The following TUB variants were observed in gnomAD, a reference collection of about 807,000 sequenced individuals.
The protein encoded by TUB is tubby protein homolog.
In TUB, 33 loss-of-function variants were observed where a neutral mutation model predicts 59.7. That is an observed-to-expected ratio of 0.55 (90% CI 0.42 to 0.74). TUB has a LOEUF of 0.74. Ranked by LOEUF, TUB falls within the 30% of genes least tolerant of loss-of-function variation. The pLI is 0.00. For synonymous variants in TUB, 293 were observed against 256.4 expected, an observed-to-expected ratio of 1.14 and a Z score of -1.36; for missense variants, 659 against 672.0, an observed-to-expected ratio of 0.98 and a Z score of 0.21.
intron 1 of TUB, among the ~76,000 whole-genome samples, chr11:8,021,232 G>C (rs957528091): frequency 6.6e-6 from 1 of 152,174 alleles, no homozygotes; most frequent in African/African-American, 2.4e-5. Flanking sequence ...GGAAGCTGAG[G>C]TGGGCAGATC....
Position 8,104,534 on chromosome 11 carries a change from A to G in TUB, c.*2915A>G, listed in dbSNP as rs1237654325. 1 of 152,218 alleles carries G rather than the reference A, an allele frequency of 6.6e-6. No individual in the cohort carries two copies. Among genetic ancestry groups the G allele is most frequent in the Non-Finnish European group, 1.5e-5 (1 of 68,034 alleles). 9.4% of individuals were successfully genotyped at this position (152,218 alleles called of 1,614,324 possible). On this transcript the variant is annotated 3_prime_UTR_variant, in exon 12 of 12. Transcript: ENST00000299506. The stretch of plus-strand genomic sequence containing the variant: ...ATTCCTGAGAATGAATGAGTAGGAA[A>G]GGAATAAGGATGTTGTTATGATCGC...
chr11:8,063,855 C>G (rs955659611), intron 2 of TUB, among the ~76,000 whole-genome samples: 1 of 152,118 alleles, frequency 6.6e-6, no homozygotes, highest in Non-Finnish European at 1.5e-5. Flanking sequence ...TATAAAGGTT[C>G]ATCATTTTTA....
At chr11:8,089,384 CAG>C (rs926429464) in intron 1 of TUB, among the ~76,000 whole-genome samples, 8 of 152,126 alleles carry the variant, frequency 5.3e-5, no homozygotes, top group Admixed American at 6.5e-5. Context: ...CCTGGGGAAA[CAG>C]GGGTCCTAGC....
chr11:8,057,300 T>C (rs979797404), intron 2 of TUB, among the ~76,000 whole-genome samples: 1 of 152,194 alleles, frequency 6.6e-6, no homozygotes, highest in Non-Finnish European at 1.5e-5. Context: ...CCAGTGTTCC[T>C]GGACCAAACC....
upstream of TUB, chr11:8,077,231 C>G (rs1943464983): frequency 6.6e-6 from 1 of 152,206 alleles, no homozygotes; most frequent in African/African-American, 2.4e-5. Flanking sequence ...GCTTAAAACC[C>G]TCTAGTGGTC....
chr11:8,056,496 G>T (rs1374665497), intron 2 of TUB, among the ~76,000 whole-genome samples: 1 of 152,164 alleles, frequency 6.6e-6, no homozygotes, highest in Non-Finnish European at 1.5e-5. Flanking sequence ...TGGAGTGTCA[G>T]TGGGTTGTGG....
At chr11:8,064,040 C>G (rs149670333) in intron 2 of TUB, among the ~76,000 whole-genome samples, 1 of 152,102 alleles carries the variant, frequency 6.6e-6, no homozygotes, top group Non-Finnish European at 1.5e-5. Flanking sequence ...ATGGCAGGAT[C>G]GGTTCTGAGT....
At chr11:8,039,014 C>T (rs1439154330) in exon 1 of TUB, 2 of 1,613,262 alleles carry the variant, frequency 1.2e-6, no homozygotes, top group East Asian at 4.5e-5. Context: ...TGAAACGGGG[C>T]CACCGAAGAG....
chr11:8,101,850 T>TACGGCG lies in TUB; in HGVS notation c.*231_*232insACGGCG. 1 of 482,836 alleles carries TACGGCG rather than the reference T, an allele frequency of 2.1e-6. No homozygotes were observed. The highest frequency in any genetic ancestry group is 3.4e-6 in the Non-Finnish European group (1 of 296,266). 29.9% of individuals were successfully genotyped at this position (482,836 alleles called of 1,614,324 possible). A position where few individuals can be genotyped will look rare whatever the true frequency, so the allele number is the denominator to read the frequency against. ...GGTGTGAAGGGATGAGAATAATTCTTTCCATGCCACGAGATCAACACACAC... is the reference window on the plus strand; with the variant it reads ...GGTGTGAAGGGATGAGAATAATTCTTACGGCGTCCATGCCACGAGATCAACACACAC... On this transcript the variant is annotated 3_prime_UTR_variant, in exon 12 of 12. Coordinates refer to ENST00000299506, the MANE Select transcript of TUB (RefSeq NM_177972.3).
chr11:8,098,895 G>C lies in TUB; in HGVS notation c.1116+20G>C. The C allele has an allele frequency of 6.4e-7, 1 of 1,559,912 alleles. No individual in the cohort carries two copies. The highest frequency in any genetic ancestry group is 8.8e-7 in the Non-Finnish European group (1 of 1,131,172). ...TGCTACGTGAGTCCTAGGTTCGGGG[G>C]TCTCTGATTTCCAAGGTAGATATGA... On this transcript the variant is annotated intron_variant, in intron 9 of 11. Coordinates refer to ENST00000299506, the MANE Select transcript of TUB (RefSeq NM_177972.3).
chr11:8,039,371 G>C, intron 1 of TUB: 1 of 446,572 alleles, frequency 2.2e-6, no homozygotes, highest in Non-Finnish European at 3.9e-6. Flanking sequence ...GCTTCTGCCT[G>C]TCTCCCCACC....
intron 2 of TUB, 29 bp downstream of exon 2, chr11:8,089,690 G>A (rs747237320): frequency 6.2e-7 from 1 of 1,613,940 alleles, no homozygotes. Context: ...GGGTAGAAGG[G>A]AAGAGTCTGG....
intron 9 of TUB, among the ~76,000 whole-genome samples, 155 bp from the exon 10 acceptor site, chr11:8,100,348 C>T (rs1412016780): frequency 1.3e-5 from 2 of 152,062 alleles, no homozygotes. Context: ...GACCCAGGGG[C>T]TCAGTTCTGG....
chr11:8,079,689 C>T (rs12796888), upstream of TUB, among the ~76,000 whole-genome samples: 13 of 151,170 alleles, frequency 8.6e-5, no homozygotes, highest in East Asian at 2.0e-4. Context: ...TGTAGGTGTG[C>T]GTGTGTGTGT....
intron 2 of TUB, among the ~76,000 whole-genome samples, chr11:8,050,799 T>C (rs1355320687): frequency 2.0e-5 from 3 of 152,252 alleles, no homozygotes; most frequent in African/African-American, 7.2e-5. Flanking sequence ...TTTTCTGCTC[T>C]TCTGTCTCTT....
intron 1 of TUB, among the ~76,000 whole-genome samples, chr11:8,027,186 A>G (rs1199901404): frequency 1.3e-5 from 2 of 152,208 alleles, no homozygotes; most frequent in South Asian, 2.1e-4. Context: ...CATTCACAGT[A>G]TTGTGCAACC....
upstream of TUB, among the ~76,000 whole-genome samples, chr11:8,078,545 A>G (rs962588450): frequency 2.0e-5 from 3 of 152,172 alleles, no homozygotes; most frequent in Admixed American, 6.5e-5. Context: ...TAAAATGTCA[A>G]CCACGGAAGT....
At chr11:8,067,658 C>T (rs904139411) in intron 2 of TUB, 3 of 152,252 alleles carry the variant, frequency 2.0e-5, no homozygotes, top group African/African-American at 7.2e-5. Flanking sequence ...ACAGTGAAAA[C>T]CCCTGTCCTC....
intron 3 of TUB, among the ~76,000 whole-genome samples, chr11:8,093,077 G>A (rs891716149): frequency 6.6e-6 from 1 of 152,178 alleles, no homozygotes; most frequent in African/African-American, 2.4e-5. Context: ...TACAGTCTAG[G>A]TGGAGAGACA....
Sources: allele counts gnomAD v4.1 joint callset (sites outside exome capture counted in the v4.1 genomes callset), GRCh38; gene constraint gnomAD v4.1.1; transcripts MANE v1.5; gene names NCBI Gene and HGNC (gene_info 2026-07-23, HGNC 2026-07-21).